PHLDB3: variants seen among roughly 807,000 people sequenced by gnomAD.
PHLDB3 encodes the protein pleckstrin homology like domain family B member 3.
Under a neutral mutation model 85.7 loss-of-function variants are expected in PHLDB3, and 86 were observed. The observed-to-expected ratio is 1.00, with a 90% CI of 0.84 to 1.20. PHLDB3 has a LOEUF of 1.20. Ranked by LOEUF, PHLDB3 falls within the 50% of genes most tolerant of loss-of-function variation. PHLDB3 has a pLI of 0.00. For missense variants in PHLDB3, 995 were observed against 873.0 expected (o/e 1.14, Z -1.76); for synonymous variants, 376 against 349.8 (o/e 1.07, Z -0.83).
At chr19:43,492,431 T>C (rs1971341787) in intron 9 of PHLDB3, among the ~76,000 whole-genome samples, 1 of 151,128 alleles carries the variant, frequency 6.6e-6, no homozygotes, top group South Asian at 2.1e-4. Context: ...GTCGCCCAGG[T>C]CTGGAACTCC....
chr19:43,488,956 C>T (rs1476442654), intron 9 of PHLDB3, among the ~76,000 whole-genome samples: 3 of 152,082 alleles, frequency 2.0e-5, no homozygotes, highest in East Asian at 1.9e-4. Flanking sequence ...TGTGCCACCA[C>T]GCCAGGCTAA....
Position 43,503,863 on chromosome 19 carries a change from C to T in PHLDB3, c.213+43G>A, listed in dbSNP as rs1378761989. On this transcript the variant is annotated intron_variant, in intron 2 of 15. Coordinates refer to ENST00000292140, the MANE Select transcript of PHLDB3 (RefSeq NM_198850.4). Reference sequence around the variant, plus strand: ...CTGTCTGGCCACCTGTTTGGGTCCCCGTCGGTCCAAGCCCCCCGCGCTGTC... The same window carrying T: ...CTGTCTGGCCACCTGTTTGGGTCCCTGTCGGTCCAAGCCCCCCGCGCTGTC... 7 of 1,610,018 alleles carry T rather than the reference C, an allele frequency of 4.3e-6. No homozygotes were observed. In the African/African-American group the frequency reaches 6.7e-5, roughly 15 times the overall value.
intron 6 of PHLDB3, among the ~76,000 whole-genome samples, chr19:43,495,862 G>C (rs1472273363): frequency 6.6e-6 from 1 of 152,106 alleles, no homozygotes; most frequent in African/African-American, 2.4e-5. Context: ...AACCAAGACA[G>C]GCCCCAAAAG....
Position 43,495,625 on chromosome 19 carries a change from C to G in PHLDB3, c.826-5G>C. On this transcript the variant is annotated splice_polypyrimidine_tract_variant and splice_region_variant and intron_variant, in intron 6 of 15. Coordinates refer to ENST00000292140, the MANE Select transcript of PHLDB3 (RefSeq NM_198850.4). ...CCGGTGCTGCAGAGCACCCCTCTGTCCCGGTTACTCATCTGTCACGGCCCC... is the reference window on the plus strand; with the variant it reads ...CCGGTGCTGCAGAGCACCCCTCTGTGCCGGTTACTCATCTGTCACGGCCCC... 6.2e-7 allele frequency: 1 copy of G among 1,605,828 alleles called. No homozygotes were observed. The highest frequency in any genetic ancestry group is 8.5e-7 in the Non-Finnish European group (1 of 1,176,512).
At chr19:43,490,885 C>G (rs1427686366) in intron 9 of PHLDB3, among the ~76,000 whole-genome samples, 2 of 152,196 alleles carry the variant, frequency 1.3e-5, no homozygotes, top group Admixed American at 1.3e-4. Context: ...CATTTCTCTT[C>G]TCAAGCGAGG....
intron 1 of PHLDB3, 85 bp from the exon 2 acceptor site, chr19:43,504,217 C>CA (rs549690000): frequency 6.7e-6 from 7 of 1,037,038 alleles, no homozygotes; most frequent in African/African-American, 3.1e-5. Flanking sequence ...GGCGCGGAGA[C>CA]CCCCCCCCAA....
rs759719365 is a variant in PHLDB3 at position 43,478,149 on chromosome 19, G to C, written c.1703-17C>G. 43 of 1,583,582 alleles carry C rather than the reference G, an allele frequency of 2.7e-5. No individual in the cohort carries two copies. Among genetic ancestry groups the C allele is most frequent in the Non-Finnish European group, 6.1e-6 (7 of 1,152,778 alleles). On this transcript the variant is annotated splice_polypyrimidine_tract_variant and intron_variant, in intron 14 of 15. Transcript: ENST00000292140. ...CTTCCTTGTCTGGTAGGGGAGGTAAGAGAAAAAGAGAGCCAGTGAGAAAGG... is the reference window on the plus strand; with the variant it reads ...CTTCCTTGTCTGGTAGGGGAGGTAACAGAAAAAGAGAGCCAGTGAGAAAGG...
chr19:43,492,379 C>A (rs1971340464), intron 9 of PHLDB3, among the ~76,000 whole-genome samples: 1 of 152,082 alleles, frequency 6.6e-6, no homozygotes, highest in Admixed American at 6.6e-5. Context: ...AGCTGACGCA[C>A]ACTGTTATTA....
In PHLDB3 at chr19:43,495,392, C is replaced by A. The variant is rs1484757258; in HGVS notation, c.952-53G>T. 5 of 1,600,730 alleles carry A rather than the reference C, an allele frequency of 3.1e-6. No individual in the cohort carries two copies. In the African/African-American group the frequency reaches 5.4e-5, roughly 17 times the overall value. On this transcript the variant is annotated intron_variant, in intron 7 of 15. Coordinates refer to ENST00000292140, the MANE Select transcript of PHLDB3 (RefSeq NM_198850.4). ...TCAAAGTCAGAATGGGCTGTCCCAG[C>A]TGCTTTCCCTAATGTCAGGAGACAT...
intron 13 of PHLDB3, among the ~76,000 whole-genome samples, chr19:43,480,982 C>A (rs1454316637): frequency 1.3e-5 from 2 of 152,182 alleles, no homozygotes; most frequent in African/African-American, 2.4e-5. Flanking sequence ...GGAGGTCAAA[C>A]TGAGGTTCAG....
intron 9 of PHLDB3, among the ~76,000 whole-genome samples, chr19:43,491,144 T>A (rs973866639): frequency 6.6e-6 from 1 of 152,202 alleles, no homozygotes; most frequent in South Asian, 2.1e-4. Context: ...TATTTTCATA[T>A]ATGCAATTTA....
At chr19:43,483,360 C>G (rs527967546) in intron 13 of PHLDB3, among the ~76,000 whole-genome samples, 3 of 152,038 alleles carry the variant, frequency 2.0e-5, no homozygotes, top group Admixed American at 2.0e-4. Flanking sequence ...ACTGCAGCCT[C>G]CACCCACTGG....
Position 43,475,489 on chromosome 19 carries a change from A to G in PHLDB3, c.1844T>C (p.Met615Thr), listed in dbSNP as rs893010919. The change falls in exon 16 of 16, where the codon ATG (methionine) becomes ACG (threonine). Residue 615 changes from methionine (M) to threonine (T), a missense_variant. Physicochemically the swap from Met to Thr is moderately conservative, Grantham distance 81. Coordinates refer to ENST00000292140, the MANE Select transcript of PHLDB3 (RefSeq NM_198850.4). ...CATGGCTTCGGGGCTCGGAGCCACC[A>G]TGTAGAAAAGGCGTTCGTAGGTTTT... ...CVKTYERLFY[M>T]VAPSPEAMRI... 3.1e-6 allele frequency: 5 copies of G among 1,613,838 alleles called. No individual in the cohort carries two copies. Among genetic ancestry groups the G allele is most frequent in the Non-Finnish European group, 3.4e-6 (4 of 1,179,870 alleles).
At chr19:43,487,202 A>ACTGCCCAGTGAAGCCT in intron 9 of PHLDB3, 79 bp from the exon 10 acceptor site, 1 of 1,188,928 alleles carries the variant, frequency 8.4e-7, no homozygotes, top group Non-Finnish European at 1.2e-6. Flanking sequence ...CAGTGAAGCC[A>ACTGCCCAGTGAAGCCT]CCACCCAGTC....
At chr19:43,478,986 GAGA>G (rs1327692566) in intron 14 of PHLDB3, among the ~76,000 whole-genome samples, 2 of 152,278 alleles carry the variant, frequency 1.3e-5, no homozygotes, top group Admixed American at 6.5e-5. Context: ...GATTCTCCTA[GAGA>G]AGAAGGACAA....
intron 9 of PHLDB3, among the ~76,000 whole-genome samples, chr19:43,493,326 C>G (rs1161036288): frequency 9.6e-6 from 1 of 104,428 alleles, no homozygotes; most frequent in African/African-American, 3.9e-5. Context: ...AAAATAAAAG[C>G]CAGTGAGACC....
intron 2 of PHLDB3, 51 bp from the exon 3 acceptor site, chr19:43,502,334 C>T (rs1479619311): frequency 1.3e-6 from 2 of 1,505,008 alleles, no homozygotes; most frequent in Admixed American, 4.0e-5. Context: ...CCCCTGCAAT[C>T]ACTAAGTAGG....
intron 9 of PHLDB3, among the ~76,000 whole-genome samples, chr19:43,492,761 C>T (rs553809628): frequency 6.6e-6 from 1 of 151,910 alleles, no homozygotes; most frequent in East Asian, 1.9e-4. Flanking sequence ...AACATGGAAA[C>T]AAGAACCTAG....
At chr19:43,479,809 T>G (rs1331597729) in intron 13 of PHLDB3, among the ~76,000 whole-genome samples, 1 of 152,066 alleles carries the variant, frequency 6.6e-6, no homozygotes, top group Non-Finnish European at 1.5e-5. Context: ...CCTTGGCACT[T>G]CATGGCAACT....
Sources: gnomAD v4.1 joint callset for allele counts (sites outside exome capture counted in the v4.1 genomes callset) on GRCh38, gnomAD v4.1.1 for gene constraint, MANE v1.5 for transcripts, NCBI Gene and HGNC (gene_info 2026-07-23, HGNC 2026-07-21) for gene names.